The following DCX variants were observed in gnomAD, a reference collection of about 807,000 sequenced individuals.
DCX encodes the protein doublecortin.
In DCX, 4 loss-of-function variants were observed where a neutral mutation model predicts 20.9. That is an observed-to-expected ratio of 0.19 (90% CI 0.09 to 0.44). The LOEUF (loss-of-function observed/expected upper bound fraction) is 0.44, where lower values mean the gene tolerates loss of function less well. DCX is among the 20% of genes least tolerant of loss of function. The pLI, the probability that DCX is intolerant of heterozygous loss-of-function variation, is 0.99. For synonymous variants in DCX, 103 were observed against 111.4 expected (o/e 0.92, Z 0.47); for missense variants, 133 against 296.9 (o/e 0.45, Z 4.06).
intron 1 of DCX, chrX:111,411,077 T>C (rs1928677701): frequency 2.8e-6 from 2 of 725,172 alleles, no homozygotes; most frequent in Admixed American, 2.4e-5. Context: ...ACAGCCAGTG[T>C]CTTTGTGCTA....
At chrX:111,358,238 T>C (rs1456423231) in intron 3 of DCX, among the ~76,000 whole-genome samples, 2 of 112,470 alleles carry the variant, frequency 1.8e-5, no homozygotes, top group African/African-American at 6.5e-5. Flanking sequence ...GATAGAAGCA[T>C]TGTGTGCAAA....
intron 5 of DCX, among the ~76,000 whole-genome samples, chrX:111,321,331 G>T (rs1038932035): frequency 1.8e-5 from 2 of 111,475 alleles, no homozygotes; most frequent in East Asian, 5.7e-4. Flanking sequence ...CTTCAGCTAC[G>T]CAGCACAATT....
At chrX:111,336,021 A>C (rs1346240971) in intron 3 of DCX, among the ~76,000 whole-genome samples, 3 of 112,202 alleles carry the variant, frequency 2.7e-5, no homozygotes, top group East Asian at 5.6e-4. Context: ...GAAAATTGAA[A>C]CTAGCTAATA....
At chrX:111,359,046 A>G (rs755858152) in intron 3 of DCX, among the ~76,000 whole-genome samples, 35 of 112,190 alleles carry the variant, frequency 3.1e-4, no homozygotes, top group African/African-American at 9.0e-4. Context: ...TAGAACTTTA[A>G]TGAAAATTGA....
chrX:111,303,041 T>C (rs1002024604), intron 6 of DCX, among the ~76,000 whole-genome samples: 4 of 111,356 alleles, frequency 3.6e-5, no homozygotes, highest in African/African-American at 9.8e-5. Flanking sequence ...AATTCTTTGC[T>C]TATAATCCAT....
At chrX:111,314,884 G>GTTAACAT (rs2095066049) in intron 5 of DCX, among the ~76,000 whole-genome samples, 1 of 106,921 alleles carries the variant, frequency 9.4e-6, no homozygotes, top group African/African-American at 3.8e-5. Context: ...GTTAAGGGTC[G>GTTAACAT]CAAAAATTTT....
intron 6 of DCX, among the ~76,000 whole-genome samples, chrX:111,303,497 A>T (rs1205881516): frequency 9.0e-6 from 1 of 111,540 alleles, no homozygotes; most frequent in African/African-American, 3.3e-5. Flanking sequence ...TATTTATTTA[A>T]CATTGGGAAT....
intron 2 of DCX, among the ~76,000 whole-genome samples, chrX:111,407,133 C>G (rs1928268031): frequency 9.0e-6 from 1 of 111,715 alleles, no homozygotes. Context: ...CACTTTATAT[C>G]TACTGTCTTA....
intron 3 of DCX, among the ~76,000 whole-genome samples, chrX:111,372,153 A>G (rs1016334236): frequency 1.7e-4 from 19 of 111,704 alleles, no homozygotes; most frequent in African/African-American, 6.2e-4. Flanking sequence ...TTTGAGAAAT[A>G]CCAGCAATAA....
At chrX:111,315,090 T>G (rs937813667) in intron 5 of DCX, among the ~76,000 whole-genome samples, 2 of 109,487 alleles carry the variant, frequency 1.8e-5, no homozygotes, top group African/African-American at 6.9e-5. Flanking sequence ...TTTTTATGGT[T>G]TTAGGTTTAA....
At chrX:111,333,616 AAAG>A (rs1038437795) in intron 3 of DCX, among the ~76,000 whole-genome samples, 6 of 112,018 alleles carry the variant, frequency 5.4e-5, no homozygotes, top group African/African-American at 1.9e-4. Context: ...ATGAGTTCTA[AAAG>A]AAGGACATCA....
intron 3 of DCX, among the ~76,000 whole-genome samples, chrX:111,350,876 G>A (rs1923246690): frequency 8.9e-6 from 1 of 112,105 alleles, no homozygotes; most frequent in Non-Finnish European, 1.9e-5. Flanking sequence ...ATGGTGGAAG[G>A]CAAGGATGAG....
intron 1 of DCX, chrX:111,411,523 C>T (rs1040534385): frequency 8.7e-6 from 1 of 114,725 alleles, no homozygotes. Flanking sequence ...CCCTCCCCCA[C>T]CAAGAACCCC....
At chrX:111,386,989 G>A (rs1408147670) in intron 3 of DCX, among the ~76,000 whole-genome samples, 1 of 111,345 alleles carries the variant, frequency 9.0e-6, no homozygotes, top group Admixed American at 9.5e-5. Flanking sequence ...ACAAAGGAAG[G>A]GGAGAAGCAC....
intron 3 of DCX, among the ~76,000 whole-genome samples, chrX:111,340,476 T>A (rs1922122689): frequency 1.8e-5 from 2 of 111,762 alleles, no homozygotes; most frequent in African/African-American, 6.5e-5. Flanking sequence ...GCAGCCCAGA[T>A]GAGTGGGTTT....
chrX:111,334,794 G>T (rs753010487), intron 3 of DCX, among the ~76,000 whole-genome samples: 1 of 112,024 alleles, frequency 8.9e-6, no homozygotes, highest in Non-Finnish European at 1.9e-5. Flanking sequence ...CTGATGAGGT[G>T]AGATACATCG....
intron 3 of DCX, among the ~76,000 whole-genome samples, chrX:111,385,779 GGGAGGGAAGGAA>G (rs1239599363): frequency 1.5e-4 from 12 of 81,661 alleles, no homozygotes; most frequent in South Asian, 7.6e-4. Flanking sequence ...GAAGGAGGGA[GGGAGGGAAGGAA>G]GGAAGGAAGG....
rs181396228 is a variant in DCX, at chrX:111,364,397, G to A, written c.706-31244C>T. 4.0e-3 allele frequency among the ~76,000 whole-genome samples: 454 copies of A among 112,232 alleles called. 3 individuals are homozygous for A. Among genetic ancestry groups the A allele is most frequent in the African/African-American group, 0.014 (425 of 30,942 alleles). On this transcript the variant is annotated intron_variant, in intron 3 of 6. Transcript: ENST00000636035. Reference sequence around the variant, plus strand: ...AACAAGGTAAATGCAAAGTATATAAGAAAGATACTATTTCTCAACTATCCG... The same window carrying A: ...AACAAGGTAAATGCAAAGTATATAAAAAAGATACTATTTCTCAACTATCCG...
At chrX:111,398,197 C>T (rs1248083621) in intron 3 of DCX, among the ~76,000 whole-genome samples, 1 of 110,217 alleles carries the variant, frequency 9.1e-6, no homozygotes, top group African/African-American at 3.3e-5. Context: ...CCTATCTCTT[C>T]TGAAAGACCT....
Sources: gnomAD v4.1 joint callset for allele counts (sites outside exome capture counted in the v4.1 genomes callset) on GRCh38, gnomAD v4.1.1 for gene constraint, MANE v1.5 for transcripts, NCBI Gene and HGNC (gene_info 2026-07-23, HGNC 2026-07-21) for gene names.